Variants in SNCAIP observed in about 807,000 individuals in gnomAD.
SNCAIP encodes the protein synphilin-1.
SNCAIP carries 43 observed loss-of-function variants against 86.7 expected under a neutral mutation model. The ratio of observed to expected loss-of-function variants is 0.50; its 90% CI spans 0.39 to 0.64. SNCAIP has a LOEUF of 0.64. Ranked by LOEUF, SNCAIP falls within the 30% of genes least tolerant of loss-of-function variation. The probability of loss-of-function intolerance (pLI) is 0.00; values close to 1 mark genes in which losing one functional copy is unlikely to be tolerated. For synonymous variants in SNCAIP, 417 were observed against 427.2 expected, an observed-to-expected ratio of 0.98 and a Z score of 0.29; for missense variants, 981 against 1,103.1, an observed-to-expected ratio of 0.89 and a Z score of 1.57.
At chr5:122,351,536 CAAAAAAAA>C (rs541191012) in intron 1 of SNCAIP, among the ~76,000 whole-genome samples, 1,450 of 36,550 alleles carry the variant, frequency 0.04, 30 homozygotes, top group African/African-American at 0.11. Flanking sequence ...GACTCTGTAT[CAAAAAAAA>C]AAAAAAAAAA....
chr5:122,318,139 G>T (rs1752172119), intron 1 of SNCAIP, among the ~76,000 whole-genome samples: 1 of 152,032 alleles, frequency 6.6e-6, no homozygotes, highest in African/African-American at 2.4e-5. Context: ...CAGGGGATGG[G>T]TAGGTGCTGG....
intron 5 of SNCAIP, among the ~76,000 whole-genome samples, chr5:122,425,824 G>C (rs996634110): frequency 6.6e-6 from 1 of 152,140 alleles, no homozygotes; most frequent in African/African-American, 2.4e-5. Flanking sequence ...ACCACACCTG[G>C]ATCTATCAAA....
chr5:122,394,033 C>T (rs772807623), intron 2 of SNCAIP, among the ~76,000 whole-genome samples: 3 of 151,646 alleles, frequency 2.0e-5, no homozygotes, highest in Non-Finnish European at 2.9e-5. Context: ...ATGTGTTCAA[C>T]GTGCTAATTC....
At chr5:122,394,529 G>C (rs1003919846) in intron 2 of SNCAIP, among the ~76,000 whole-genome samples, 5 of 152,230 alleles carry the variant, frequency 3.3e-5, no homozygotes, top group African/African-American at 1.2e-4. Flanking sequence ...CTGCAGGTCT[G>C]CAAGGGAGAG....
At chr5:122,337,027 TG>T (rs1756613881) in intron 1 of SNCAIP, 1 of 152,212 alleles carries the variant, frequency 6.6e-6, no homozygotes, top group African/African-American at 2.4e-5. Context: ...ATTTAGTCGA[TG>T]AATTAACAGG....
At chr5:122,399,410 T>C (rs1188198231) in intron 2 of SNCAIP, among the ~76,000 whole-genome samples, 1 of 152,212 alleles carries the variant, frequency 6.6e-6, no homozygotes. Flanking sequence ...CCAGATCTTA[T>C]GGCTCCAAAT....
At chr5:122,336,424 A>G (rs1580468325) in intron 1 of SNCAIP, among the ~76,000 whole-genome samples, 1 of 152,190 alleles carries the variant, frequency 6.6e-6, no homozygotes, top group South Asian at 2.1e-4. Flanking sequence ...CCCATATTAA[A>G]GCTCTTCTTC....
chr5:122,456,296 A>G (rs1784739670), intron 10 of SNCAIP, among the ~76,000 whole-genome samples: 2 of 152,174 alleles, frequency 1.3e-5, no homozygotes, highest in African/African-American at 4.8e-5. Context: ...GCTGGTATCA[A>G]ATATTTTGCA....
chr5:122,431,131 A>G (rs1778331884), intron 5 of SNCAIP, among the ~76,000 whole-genome samples: 1 of 152,128 alleles, frequency 6.6e-6, no homozygotes, highest in Non-Finnish European at 1.5e-5. Context: ...TAGTTTTGGA[A>G]CAATTAGAAT....
At position 122,423,399 on chromosome 5, in the gene SNCAIP, C is replaced by G; in HGVS notation, c.662C>G (p.Ala221Gly). Reference sequence around the variant, plus strand: ...GTGAAAAGCCCTCACTTGAGAAAAGCATCAGCTGTCATCCACGACCAGCAC... The same window carrying G: ...GTGAAAAGCCCTCACTTGAGAAAAGGATCAGCTGTCATCCACGACCAGCAC... ...SPVKSPHLRK[A>G]SAVIHDQHKL... The change falls in exon 4 of 11, where the codon GCA (alanine) becomes GGA (glycine). Residue 221 changes from alanine (A) to glycine (G), a missense_variant. Coordinates refer to ENST00000261368, the MANE Select transcript of SNCAIP (RefSeq NM_005460.4). The G allele has an allele frequency of 6.2e-7, 1 of 1,613,678 alleles. No individual in the cohort carries two copies.
At chr5:122,387,251 C>A (rs546446270) in intron 1 of SNCAIP, among the ~76,000 whole-genome samples, 1 of 151,068 alleles carries the variant, frequency 6.6e-6, no homozygotes, top group Non-Finnish European at 1.5e-5. Flanking sequence ...CTCCACCTCC[C>A]GGGTTCAAGT....
chr5:122,377,593 G>A (rs1002291722), intron 1 of SNCAIP, among the ~76,000 whole-genome samples: 6 of 151,848 alleles, frequency 4.0e-5, no homozygotes, highest in African/African-American at 1.5e-4. Flanking sequence ...CATTGTGCAG[G>A]TTAGTTACAT....
chr5:122,448,273 T>C (rs1026095239), intron 8 of SNCAIP, among the ~76,000 whole-genome samples: 1 of 151,996 alleles, frequency 6.6e-6, no homozygotes, highest in Non-Finnish European at 1.5e-5. Context: ...ATTATAATAG[T>C]TTTCTATTGC....
At position 122,425,527 on chromosome 5, in the gene SNCAIP, T is replaced by C; in HGVS notation, c.1178T>C (p.Ile393Thr). The stretch of plus-strand genomic sequence containing the variant: ...AAGTTGACTCCAGCAGGCCTGGCCA[T>C]TAAGGTGACTGGTTGGGGGCTGGAA... The part of the protein sequence containing the change: ...TEKLTPAGLA[I>T]KNGQLECVRW... Residue 393 changes from isoleucine to threonine, a missense_variant, in exon 5 of 11, where the codon ATT becomes ACT. Transcript: ENST00000261368. The C allele has an allele frequency of 6.2e-7, 1 of 1,613,702 alleles. No individual in the cohort carries two copies. Among genetic ancestry groups the C allele is most frequent in the Non-Finnish European group, 8.5e-7 (1 of 1,179,702 alleles).
intron 8 of SNCAIP, among the ~76,000 whole-genome samples, chr5:122,448,656 A>G (rs1477208289): frequency 7.9e-6 from 1 of 125,812 alleles, no homozygotes; most frequent in East Asian, 2.1e-4. Flanking sequence ...ATATTTTTAT[A>G]TATATTATAT....
At position 122,451,116 on chromosome 5, in the gene SNCAIP, C is replaced by A. The variant is rs774436367; in HGVS notation, c.2269C>A (p.Pro757Thr). Residue 757 changes from proline (P) to threonine (T), a missense_variant, in exon 10 of 11, where the codon CCA becomes ACA. Physicochemically the swap from Pro to Thr is conservative, Grantham distance 38. Coordinates refer to ENST00000261368, the MANE Select transcript of SNCAIP (RefSeq NM_005460.4). ...SPSPTSESSE[P>T]DLESQYPGSG... is the part of the protein sequence containing the mutation. ...ATCTCCCACCTCAGAGAGCAGCGAA[C>A]CAGACTTAGAATCCCAGTATCCAGG... The A allele has an allele frequency of 6.2e-7, 1 of 1,614,154 alleles. No individual in the cohort carries two copies. Among genetic ancestry groups the A allele is most frequent in the Non-Finnish European group, 8.5e-7 (1 of 1,180,014 alleles).
At chr5:122,326,533 T>C (rs1754084062) in intron 1 of SNCAIP, among the ~76,000 whole-genome samples, 1 of 151,868 alleles carries the variant, frequency 6.6e-6, no homozygotes, top group South Asian at 2.1e-4. Flanking sequence ...TGAGTGTATC[T>C]TTCACTGCCT....
intron 10 of SNCAIP, chr5:122,453,017 G>A: frequency 2.7e-6 from 4 of 1,479,042 alleles, no homozygotes; most frequent in Middle Eastern, 1.7e-4. Flanking sequence ...TAGGAGATAT[G>A]CTGTGCGGCA....
intron 1 of SNCAIP, among the ~76,000 whole-genome samples, chr5:122,386,766 GT>G (rs1478994978): frequency 6.6e-6 from 1 of 150,640 alleles, no homozygotes; most frequent in East Asian, 1.9e-4. Flanking sequence ...ATTGAAAAAT[GT>G]TTCCTTTACC....
Sources: gnomAD v4.1 joint callset for allele counts (sites outside exome capture counted in the v4.1 genomes callset) on GRCh38, gnomAD v4.1.1 for gene constraint, MANE v1.5 for transcripts, NCBI Gene and HGNC (gene_info 2026-07-23, HGNC 2026-07-21) for gene names.